The following DAB1 variants were observed in gnomAD, a reference collection of about 807,000 sequenced individuals.
DAB1 encodes the protein DAB adaptor protein 1, also known as disabled homolog 1.
A neutral mutation model predicts 64.6 loss-of-function variants in DAB1; 15 were observed. That is an observed-to-expected ratio of 0.23 (90% CI 0.16 to 0.36). DAB1 has a LOEUF of 0.36. Among genes scored for constraint, DAB1 ranks in the 10% least tolerant of loss-of-function variants. The pLI, the probability that DAB1 is intolerant of heterozygous loss-of-function variation, is 1.00. For missense variants in DAB1, 596 were observed against 706.7 expected (o/e 0.84, Z 1.78); for synonymous variants, 235 against 251.9 (o/e 0.93, Z 0.64).
At chr1:57,619,986 G>A (rs1053135991) in intron 7 of DAB1, among the ~76,000 whole-genome samples, 1 of 152,126 alleles carries the variant, frequency 6.6e-6, no homozygotes, top group South Asian at 2.1e-4. Flanking sequence ...CTGGTGACAA[G>A]AACAACGACT....
intron 4 of DAB1, among the ~76,000 whole-genome samples, chr1:58,162,862 C>T (rs1189966564): frequency 4.6e-5 from 7 of 152,186 alleles, no homozygotes; most frequent in East Asian, 1.9e-4. Context: ...TATACCTAGA[C>T]TCTAGGTCAG....
intron 6 of DAB1, among the ~76,000 whole-genome samples, chr1:57,693,899 C>G (rs1169904698): frequency 1.3e-5 from 2 of 152,204 alleles, no homozygotes; most frequent in African/African-American, 2.4e-5. Context: ...ATTCCAGACA[C>G]ACTATGAGTG....
intron 5 of DAB1, among the ~76,000 whole-genome samples, chr1:57,921,701 A>G (rs1644809561): frequency 1.3e-5 from 2 of 152,142 alleles, no homozygotes. Flanking sequence ...CAGACTTCCC[A>G]CTGGTCTCTT....
chr1:57,721,954 G>A (rs1355597125), intron 6 of DAB1, among the ~76,000 whole-genome samples: 1 of 152,092 alleles, frequency 6.6e-6, no homozygotes, highest in Non-Finnish European at 1.5e-5. Context: ...CTTGTCCAAG[G>A]CAGGATTTTA....
chr1:58,097,138 A>G (rs977536424), intron 5 of DAB1, among the ~76,000 whole-genome samples: 1 of 152,350 alleles, frequency 6.6e-6, no homozygotes, highest in East Asian at 1.9e-4. Context: ...TGGCCCTCTC[A>G]TACATGCTTT....
chr1:57,867,607 A>G (rs1297178074), intron 1 of DAB1: 1 of 152,122 alleles, frequency 6.6e-6, no homozygotes, highest in East Asian at 1.9e-4. Flanking sequence ...CAATTTTCTG[A>G]GTGCTTGCTT....
downstream of DAB1, among the ~76,000 whole-genome samples, chr1:57,825,311 C>T (rs1359651866): frequency 1.3e-5 from 2 of 152,132 alleles, no homozygotes; most frequent in African/African-American, 4.8e-5. Context: ...CCAAGAGCAA[C>T]TTATTTTGTA....
intron 2 of DAB1, among the ~76,000 whole-genome samples, chr1:58,526,730 C>T (rs1646355930): frequency 6.6e-6 from 1 of 151,996 alleles, no homozygotes; most frequent in African/African-American, 2.4e-5. Context: ...ATCAACCTAT[C>T]TTCAAGTGGG....
At chr1:57,568,056 T>C (rs1645145152) in intron 7 of DAB1, among the ~76,000 whole-genome samples, 1 of 152,172 alleles carries the variant, frequency 6.6e-6, no homozygotes, top group Admixed American at 6.5e-5. Context: ...CAAAACAGCA[T>C]GGTACTGGTA....
intron 6 of DAB1, among the ~76,000 whole-genome samples, chr1:57,703,399 G>T (rs1025866291): frequency 1.3e-5 from 2 of 152,144 alleles, no homozygotes; most frequent in African/African-American, 4.8e-5. Context: ...CTTTTCAAAA[G>T]AAGACATACA....
intron 4 of DAB1, among the ~76,000 whole-genome samples, chr1:58,150,825 C>T (rs1430625317): frequency 3.3e-5 from 5 of 152,062 alleles, no homozygotes; most frequent in African/African-American, 1.2e-4. Flanking sequence ...TCTCCTAATG[C>T]TTTCCCTCCC....
At chr1:57,392,086 T>C (rs932658647) in intron 1 of DAB1, among the ~76,000 whole-genome samples, 27 of 152,084 alleles carry the variant, frequency 1.8e-4, no homozygotes, top group Non-Finnish European at 3.1e-4. Flanking sequence ...TAACAAAGCA[T>C]GTAATGGCCA....
intron 4 of DAB1, among the ~76,000 whole-genome samples, chr1:58,233,411 G>C (rs1449314817): frequency 6.6e-6 from 1 of 152,130 alleles, no homozygotes; most frequent in Non-Finnish European, 1.5e-5. Context: ...ACCCAGGTCT[G>C]CTTGCTCCCC....
At chr1:57,975,108 A>T (rs1297274514) in intron 5 of DAB1, among the ~76,000 whole-genome samples, 1 of 152,156 alleles carries the variant, frequency 6.6e-6, no homozygotes, top group Admixed American at 6.6e-5. Flanking sequence ...TGGAGCCCTC[A>T]TGAATAGGAT....
intron 6 of DAB1, among the ~76,000 whole-genome samples, chr1:57,653,590 T>C (rs1646281346): frequency 1.3e-5 from 2 of 151,986 alleles, no homozygotes; most frequent in Non-Finnish European, 2.9e-5. Context: ...TGCCATAGAG[T>C]ACATGCATCT....
chr1:58,512,231 C>T (rs989511393), intron 2 of DAB1, among the ~76,000 whole-genome samples: 5 of 151,968 alleles, frequency 3.3e-5, no homozygotes, highest in African/African-American at 1.2e-4. Context: ...GGTTATCTAT[C>T]ATTGAAAAAA....
At chr1:57,044,438 A>C (rs1385318025) in intron 9 of DAB1, among the ~76,000 whole-genome samples, 1 of 152,192 alleles carries the variant, frequency 6.6e-6, no homozygotes, top group Non-Finnish European at 1.5e-5. Flanking sequence ...GAAACTATAA[A>C]ACGATAACAA....
intron 1 of DAB1, among the ~76,000 whole-genome samples, chr1:57,391,706 G>A (rs1226840004): frequency 6.6e-6 from 1 of 151,464 alleles, no homozygotes; most frequent in African/African-American, 2.4e-5. Context: ...GATGCTTCTG[G>A]AGCAATGTTG....
chr1:57,491,544 T>A (rs1193768398), intron 7 of DAB1, among the ~76,000 whole-genome samples: 3 of 152,066 alleles, frequency 2.0e-5, no homozygotes, highest in Non-Finnish European at 4.4e-5. Flanking sequence ...AATACAATGG[T>A]TGTCATATAG....
Sources: allele counts gnomAD v4.1 joint callset (sites outside exome capture counted in the v4.1 genomes callset), GRCh38; gene constraint gnomAD v4.1.1; transcripts MANE v1.5; gene names NCBI Gene and HGNC (gene_info 2026-07-23, HGNC 2026-07-21).